The following SEC31A variants were observed in gnomAD, a reference collection of about 807,000 sequenced individuals.
SEC31A encodes SEC31 homolog A, COPII component.
SEC31A carries 70 observed loss-of-function variants against 151.0 expected under a neutral mutation model. That is an observed-to-expected ratio of 0.46 (90% CI 0.38 to 0.57). The LOEUF is 0.57. SEC31A is among the 20% of genes least tolerant of loss of function. SEC31A has a pLI of 0.00. For synonymous variants in SEC31A, 475 were observed against 505.9 expected (o/e 0.94, Z 0.82); for missense variants, 1,330 against 1,471.2 (o/e 0.90, Z 1.57).
chr4:82,870,301 T>C, intron 8 of SEC31A, 24 bp downstream of exon 8: 1 of 1,572,886 alleles, frequency 6.4e-7, no homozygotes, highest in Non-Finnish European at 8.7e-7. Context: ...GGCTACAAGG[T>C]TGAGACACAT....
At chr4:82,868,579 T>G (rs960354810) in intron 8 of SEC31A, among the ~76,000 whole-genome samples, 3 of 152,170 alleles carry the variant, frequency 2.0e-5, no homozygotes, top group Admixed American at 2.0e-4. Context: ...ATGTAATCCT[T>G]GTTGTGAACT....
chr4:82,867,883 T>C (rs1735759998), intron 8 of SEC31A, among the ~76,000 whole-genome samples: 1 of 152,242 alleles, frequency 6.6e-6, no homozygotes. Context: ...TCCGCCCGCC[T>C]TGGCCTCCCA....
intron 22 of SEC31A, among the ~76,000 whole-genome samples, chr4:82,837,236 T>C (rs1426874450): frequency 6.9e-6 from 1 of 144,382 alleles, no homozygotes; most frequent in Non-Finnish European, 1.5e-5. Flanking sequence ...CAAGTTTTTA[T>C]GTATGCATGT....
At chr4:82,849,804 G>C (rs1731108899) in intron 19 of SEC31A, among the ~76,000 whole-genome samples, 1 of 152,050 alleles carries the variant, frequency 6.6e-6, no homozygotes, top group African/African-American at 2.4e-5. Context: ...ACTTACAAAA[G>C]TATGAGGTGA....
At chr4:82,842,668 G>T in intron 21 of SEC31A, 187 bp from the exon 22 acceptor site, 1 of 533,048 alleles carries the variant, frequency 1.9e-6, no homozygotes, top group Non-Finnish European at 3.3e-6. Flanking sequence ...GAATTCAATA[G>T]CTTCAGTATT....
intron 8 of SEC31A, among the ~76,000 whole-genome samples, chr4:82,869,437 T>C (rs1215312451): frequency 6.6e-6 from 1 of 151,932 alleles, no homozygotes; most frequent in East Asian, 1.9e-4. Context: ...GCCAACAAAA[T>C]CCAATTTTTT....
rs139031667 is a variant in SEC31A at position 82,881,917 on chromosome 4, T to C, written c.20A>G (p.Asp7Gly). 643 of 1,614,002 alleles carry C rather than the reference T, an allele frequency of 4.0e-4. No homozygotes were observed. Among genetic ancestry groups the C allele is most frequent in the Admixed American group, 7.8e-4 (47 of 60,014 alleles). ...GCTCCATGCCTGCATGGCTGTACGATCTACTTCCTTTAACTTCATCCTGCT... is the reference window on the plus strand; with the variant it reads ...GCTCCATGCCTGCATGGCTGTACGACCTACTTCCTTTAACTTCATCCTGCT... MKLKEV[D>G]RTAMQAWSPA... Residue 7 changes from aspartate to glycine, a missense_variant, in exon 2 of 27, where the codon GAT becomes GGT. Physicochemically the swap from Asp to Gly is moderately conservative, Grantham distance 94. Transcript: ENST00000395310.
chr4:82,841,092 T>C (rs1200203141), intron 22 of SEC31A, among the ~76,000 whole-genome samples: 4 of 152,198 alleles, frequency 2.6e-5, no homozygotes, highest in Non-Finnish European at 5.9e-5. Flanking sequence ...AACATAAATA[T>C]TGTATAGCTG....
chr4:82,847,483 A>G (rs1446754749), intron 20 of SEC31A, among the ~76,000 whole-genome samples: 1 of 152,224 alleles, frequency 6.6e-6, no homozygotes, highest in Non-Finnish European at 1.5e-5. Flanking sequence ...CTAAGGACAT[A>G]AAGAGCAAAT....
chr4:82,857,809 G>A, intron 14 of SEC31A, 45 bp from the exon 15 acceptor site: 2 of 1,255,714 alleles, frequency 1.6e-6, no homozygotes, highest in African/African-American at 1.5e-5. Context: ...ATAAAACTGT[G>A]GAATGATTTA....
In SEC31A at chr4:82,864,446, C is replaced by T. The variant is rs369885924; in HGVS notation, c.1350G>A (p.Gln450=). ...GGCAATAATTGATAAATCCTTGTGACTGCACAGCCTGCTGAAGTTGGTCTG... is the reference window on the plus strand; with the variant it reads ...GGCAATAATTGATAAATCCTTGTGATTGCACAGCCTGCTGAAGTTGGTCTG... The part of the protein sequence containing the change: ...SRSDQLQQAV[Q]SQGFINYCQK... Residue 450 remains glutamine, a synonymous_variant, in exon 11 of 27, where the codon CAG becomes CAA. Coordinates refer to ENST00000395310, the MANE Select transcript of SEC31A (RefSeq NM_001077207.4). The T allele has an allele frequency of 6.2e-6, 10 of 1,614,002 alleles. 1 individual carries two copies. Among genetic ancestry groups the T allele is most frequent in the South Asian group, 4.4e-5 (4 of 91,088 alleles).
chr4:82,841,442 T>TTATATATA lies in SEC31A; in HGVS notation c.2968+690_2968+697dup, dbSNP rs58373170. ...CATCTCAAAAAAGAAAAAAAAAATT[T>TTATATATA]TATATATATATATATATATATATAT... On this transcript the variant is annotated intron_variant, in intron 22 of 26. Transcript: ENST00000395310. 1.7e-3 allele frequency among the ~76,000 whole-genome samples: 108 copies of TTATATATA among 64,446 alleles called. 4 individuals are homozygous for TTATATATA. The highest frequency in any genetic ancestry group is 8.7e-3 in the East Asian group (24 of 2,770). The allele number at this position is 64,446 out of a possible 152,430, so 42.3% of individuals were successfully genotyped here. A position where few individuals can be genotyped will look rare whatever the true frequency, so the allele number is the denominator to read the frequency against.
intron 7 of SEC31A, chr4:82,871,331 C>T: frequency 1.3e-6 from 2 of 1,509,558 alleles, no homozygotes; most frequent in Non-Finnish European, 1.8e-6. Context: ...CACACACACA[C>T]ACACACAAGT....
At chr4:82,865,512 A>C (rs1158316246) in intron 10 of SEC31A, among the ~76,000 whole-genome samples, 1 of 136,168 alleles carries the variant, frequency 7.3e-6, no homozygotes, top group African/African-American at 2.6e-5. Context: ...ATGACCATCA[A>C]ATGAATGGAT....
At chr4:82,884,508 C>A (rs1740202241) in intron 1 of SEC31A, among the ~76,000 whole-genome samples, 1 of 152,178 alleles carries the variant, frequency 6.6e-6, no homozygotes, top group African/African-American at 2.4e-5. Context: ...CCACCAACAT[C>A]GCACATCATA....
chr4:82,862,133 G>A (rs1305219710), intron 13 of SEC31A, among the ~76,000 whole-genome samples: 4 of 150,066 alleles, frequency 2.7e-5, no homozygotes. Context: ...GGCTGGTCTT[G>A]AACTCCTGAC....
At chr4:82,829,149 C>T in intron 22 of SEC31A, 91 bp from the exon 23 acceptor site, 1 of 1,057,460 alleles carries the variant, frequency 9.5e-7, no homozygotes, top group South Asian at 1.3e-5. Flanking sequence ...CAAAATTCTG[C>T]CTTAACCCTG....
rs918685861 is a variant in SEC31A at position 82,864,655 on chromosome 4, G to T, written c.1198-57C>A. 1.2e-5 allele frequency: 18 copies of T among 1,477,856 alleles called. No individual in the cohort carries two copies. The South Asian group carries it at 1.9e-4, about 15-fold the overall frequency. The allele number at this position is 1,477,856 out of a possible 1,614,324, so 91.5% of individuals were successfully genotyped here. A position where few individuals can be genotyped will look rare whatever the true frequency, so the allele number is the denominator to read the frequency against. ...TAACCCAAGGATATGGCCAAAAAAA[G>T]TGCTTATAAAGTGGCCTAAACAGAT... On this transcript the variant is annotated intron_variant, in intron 10 of 26. Transcript: ENST00000395310.
At chr4:82,831,001 TAAC>T in intron 22 of SEC31A, 1 of 1,109,502 alleles carries the variant, frequency 9.0e-7, no homozygotes, top group South Asian at 1.6e-5. Context: ...AAAAATTACT[TAAC>T]AGTGTTTACT....
Sources: allele counts gnomAD v4.1 joint callset (sites outside exome capture counted in the v4.1 genomes callset), GRCh38; gene constraint gnomAD v4.1.1; transcripts MANE v1.5; gene names NCBI Gene and HGNC (gene_info 2026-07-23, HGNC 2026-07-21).